The following HACD2 variants were observed in gnomAD, a reference collection of about 807,000 sequenced individuals.
HACD2 encodes very-long-chain (3R)-3-hydroxyacyl-CoA dehydratase 2.
A neutral mutation model predicts 31.0 loss-of-function variants in HACD2; 15 were observed. The ratio of observed to expected loss-of-function variants is 0.48; its 90% CI spans 0.32 to 0.75. HACD2 has a LOEUF of 0.75. Among genes scored for constraint, HACD2 ranks in the 30% least tolerant of loss-of-function variants. HACD2 has a pLI of 0.03. For synonymous variants in HACD2, 115 were observed against 122.2 expected (o/e 0.94, Z 0.39); for missense variants, 283 against 313.0 (o/e 0.90, Z 0.72).
chr3:123,545,714 GA>G (rs1311944762), intron 3 of HACD2, among the ~76,000 whole-genome samples: 30 of 148,958 alleles, frequency 2.0e-4, no homozygotes, highest in Admixed American at 4.7e-4. Context: ...ATAATAATAA[GA>G]TTTTTTTTTT....
intron 5 of HACD2, among the ~76,000 whole-genome samples, chr3:123,502,356 G>C (rs1259800676): frequency 6.6e-6 from 1 of 152,114 alleles, no homozygotes; most frequent in Non-Finnish European, 1.5e-5. Flanking sequence ...AATAATTTAA[G>C]TAAAATATAA....
chr3:123,516,994 G>A (rs780200660), intron 4 of HACD2, among the ~76,000 whole-genome samples: 1 of 152,162 alleles, frequency 6.6e-6, no homozygotes, highest in African/African-American at 2.4e-5. Context: ...CTGATCCTCA[G>A]CTTCCTCATT....
At chr3:123,500,948 A>G (rs1448771080) in intron 5 of HACD2, among the ~76,000 whole-genome samples, 1 of 152,232 alleles carries the variant, frequency 6.6e-6, no homozygotes, top group Admixed American at 6.5e-5. Flanking sequence ...GACAAAATAA[A>G]CAACTCTTCA....
chr3:123,554,650 C>T (rs1315183817), intron 3 of HACD2, among the ~76,000 whole-genome samples: 1 of 152,094 alleles, frequency 6.6e-6, no homozygotes, highest in Non-Finnish European at 1.5e-5. Context: ...TATGAACGAG[C>T]TTAACTCACC....
At chr3:123,581,463 A>G (rs1232291665) in intron 2 of HACD2, among the ~76,000 whole-genome samples, 1 of 152,176 alleles carries the variant, frequency 6.6e-6, no homozygotes, top group Non-Finnish European at 1.5e-5. Flanking sequence ...TGTGACACAG[A>G]TGCTGCGAAA....
chr3:123,512,287 C>T (rs766702726), intron 4 of HACD2, among the ~76,000 whole-genome samples: 15 of 151,796 alleles, frequency 9.9e-5, no homozygotes, highest in Non-Finnish European at 1.8e-4. Flanking sequence ...TGAAAAGAAA[C>T]GCATAAACAC....
intron 4 of HACD2, among the ~76,000 whole-genome samples, chr3:123,519,724 A>G (rs1362725962): frequency 2.0e-5 from 3 of 152,248 alleles, no homozygotes; most frequent in African/African-American, 4.8e-5. Context: ...ACATTTTGGC[A>G]AAGAAGCAGG....
At chr3:123,577,449 G>A (rs1008593571) in intron 2 of HACD2, among the ~76,000 whole-genome samples, 5 of 151,788 alleles carry the variant, frequency 3.3e-5, no homozygotes, top group Admixed American at 6.6e-5. Context: ...GTGAAACCCC[G>A]TCTCTACTAA....
At chr3:123,578,210 T>A (rs2056928090) in intron 2 of HACD2, among the ~76,000 whole-genome samples, 1 of 152,260 alleles carries the variant, frequency 6.6e-6, no homozygotes, top group South Asian at 2.1e-4. Flanking sequence ...TTTGCCTTTA[T>A]TAATTTTATG....
intron 3 of HACD2, among the ~76,000 whole-genome samples, chr3:123,543,372 G>A (rs746107827): frequency 1.4e-4 from 22 of 151,920 alleles, no homozygotes; most frequent in Non-Finnish European, 2.8e-4. Flanking sequence ...AGAGGATTCC[G>A]GGAAACCAAC....
rs16834374 is a variant in HACD2, at chr3:123,505,904, T to C, written c.382-3223A>G. On this transcript the variant is annotated intron_variant, in intron 4 of 6. Coordinates refer to ENST00000383657, the MANE Select transcript of HACD2 (RefSeq NM_198402.5). ...GTAACAAACCAGGCGACTAATCACA[T>C]TGGCCACCGCACAAAGTTGTGTGCT... Among the ~76,000 whole-genome samples, 3,668 of 152,312 alleles carry C rather than the reference T, an allele frequency of 0.024. 231 individuals carry two copies. In the East Asian group the frequency reaches 0.25, roughly 10 times the overall value.
At chr3:123,522,016 C>A (rs760068994) in intron 4 of HACD2, among the ~76,000 whole-genome samples, 10 of 152,032 alleles carry the variant, frequency 6.6e-5, no homozygotes, top group Non-Finnish European at 1.3e-4. Flanking sequence ...CAGAAGTGAG[C>A]CCACTCTTGG....
intron 3 of HACD2, among the ~76,000 whole-genome samples, chr3:123,558,761 T>C (rs1033156732): frequency 9.8e-5 from 15 of 152,324 alleles, no homozygotes; most frequent in Admixed American, 9.8e-4. Flanking sequence ...AATCAAATTA[T>C]TCTTTGGCTA....
intron 3 of HACD2, among the ~76,000 whole-genome samples, chr3:123,567,131 G>A (rs888835780): frequency 1.3e-5 from 2 of 152,102 alleles, no homozygotes; most frequent in South Asian, 4.2e-4. Context: ...GCTCTATAGG[G>A]TCTATCAACT....
At chr3:123,506,457 G>A (rs1221236607) in intron 4 of HACD2, among the ~76,000 whole-genome samples, 1 of 152,064 alleles carries the variant, frequency 6.6e-6, no homozygotes, top group African/African-American at 2.4e-5. Flanking sequence ...CTGTTACCCA[G>A]GCTGAAAGGC....
intron 3 of HACD2, among the ~76,000 whole-genome samples, chr3:123,534,975 C>T (rs2056408146): frequency 6.6e-6 from 1 of 152,048 alleles, no homozygotes; most frequent in African/African-American, 2.4e-5. Context: ...GAAAATTAAG[C>T]TTATGAAGTA....
chr3:123,512,077 C>G (rs971044186), intron 4 of HACD2, among the ~76,000 whole-genome samples: 1 of 152,134 alleles, frequency 6.6e-6, no homozygotes, highest in Non-Finnish European at 1.5e-5. Flanking sequence ...GAACCATGAA[C>G]CAAATAGACC....
intron 3 of HACD2, among the ~76,000 whole-genome samples, chr3:123,560,250 G>T (rs2056713596): frequency 6.6e-6 from 1 of 152,212 alleles, no homozygotes; most frequent in African/African-American, 2.4e-5. Context: ...TACTAAGCTG[G>T]TCTGGTCTGA....
At chr3:123,534,798 T>TTGTGTGTGTGTGTGTG (rs71142740) in intron 3 of HACD2, among the ~76,000 whole-genome samples, 116,638 of 149,064 alleles carry the variant, frequency 0.78, 46,790 homozygotes, top group Non-Finnish European at 0.87. Context: ...AGACGTAGGC[T>TTGTGTGTGTGTGTGTG]TGTGTGTGTG....
Sources: allele counts gnomAD v4.1 joint callset (sites outside exome capture counted in the v4.1 genomes callset), GRCh38; gene constraint gnomAD v4.1.1; transcripts MANE v1.5; gene names NCBI Gene and HGNC (gene_info 2026-07-23, HGNC 2026-07-21).